Variants in THEMIS observed in about 807,000 individuals in gnomAD.
THEMIS encodes thymocyte selection associated.
In THEMIS, 37 loss-of-function variants were observed where a neutral mutation model predicts 52.6. That is an observed-to-expected ratio of 0.70 (90% CI 0.54 to 0.93). THEMIS has a LOEUF of 0.93. Among genes scored for constraint, THEMIS ranks in the 40% least tolerant of loss-of-function variants. THEMIS has a pLI of 0.00. For missense variants in THEMIS, 808 were observed against 763.1 expected (o/e 1.06, Z -0.69); for synonymous variants, 292 against 272.7 (o/e 1.07, Z -0.70).
At chr6:127,856,187 T>A (rs1193470178) in intron 1 of THEMIS, among the ~76,000 whole-genome samples, 1 of 152,020 alleles carries the variant, frequency 6.6e-6, no homozygotes, top group African/African-American at 2.4e-5. Context: ...TTTCTGAATT[T>A]TTCTGTGTAG....
At chr6:127,747,290 C>A (rs943479736) in intron 4 of THEMIS, among the ~76,000 whole-genome samples, 4 of 138,298 alleles carry the variant, frequency 2.9e-5, no homozygotes, top group Non-Finnish European at 4.6e-5. Context: ...ATAGAGATAT[C>A]TATCTGTTAA....
chr6:127,729,441 A>T (rs1195926648), intron 4 of THEMIS, among the ~76,000 whole-genome samples: 1 of 152,120 alleles, frequency 6.6e-6, no homozygotes, highest in Non-Finnish European at 1.5e-5. Context: ...CTCATTTTAG[A>T]ATGTTACTCA....
intron 4 of THEMIS, among the ~76,000 whole-genome samples, chr6:127,787,418 C>T (rs1206158468): frequency 6.6e-6 from 1 of 152,152 alleles, no homozygotes; most frequent in East Asian, 1.9e-4. Context: ...TAGTCTGCTC[C>T]TAGCTGACAC....
At position 127,849,286 on chromosome 6, in the gene THEMIS, T is replaced by C. The variant is rs369481807; in HGVS notation, c.250+5744A>G. ...CTCTGTTCCGTTCCATTGGTCTATA[T>C]CACTGTTTTGGTACCAGTCCCATGC... On this transcript the variant is annotated intron_variant, in intron 2 of 5. Coordinates refer to ENST00000368248, the MANE Select transcript of THEMIS (RefSeq NM_001010923.3). Among the ~76,000 whole-genome samples the C allele has an allele frequency of 5.3e-4, 81 of 152,178 alleles. 1 individual carries two copies. The highest frequency in any genetic ancestry group is 1.9e-3 in the African/African-American group (77 of 41,558).
Position 127,859,497 on chromosome 6 carries a change from T to A in THEMIS, c.92-4309A>T, listed in dbSNP as rs562420899. Among the ~76,000 whole-genome samples the A allele has an allele frequency of 3.0e-4, 45 of 152,130 alleles. 1 individual carries two copies. Among genetic ancestry groups the A allele is most frequent in the South Asian group, 1.5e-3 (7 of 4,822 alleles). ...CCACAGCTAGTAAAACAGTTTTTTT[T>A]ATCACTTATTAGATGATTAGTGAAT... On this transcript the variant is annotated intron_variant, in intron 1 of 5. Transcript: ENST00000368248.
chr6:127,849,339 T>C (rs975132431), intron 2 of THEMIS, among the ~76,000 whole-genome samples: 7 of 152,036 alleles, frequency 4.6e-5, no homozygotes, highest in African/African-American at 1.4e-4. Context: ...CCTTGTAGTA[T>C]AGTTTGAAGT....
rs141901483 is a variant in THEMIS, at chr6:127,778,880, G to T, written c.1758+34003C>A. Among the ~76,000 whole-genome samples the T allele has an allele frequency of 2.7e-3, 394 of 147,646 alleles. 2 individuals are homozygous for T. Among genetic ancestry groups the T allele is most frequent in the African/African-American group, 9.1e-3 (365 of 40,144 alleles). The stretch of plus-strand genomic sequence containing the variant: ...AAAATGGAAGGAATTGGAGAATAAA[G>T]AAATAATACCTATTGGGTTGCTTGA... On this transcript the variant is annotated intron_variant, in intron 4 of 5. Transcript: ENST00000368248.
intron 4 of THEMIS, among the ~76,000 whole-genome samples, chr6:127,784,548 A>G (rs1776857628): frequency 6.6e-6 from 1 of 152,154 alleles, no homozygotes; most frequent in African/African-American, 2.4e-5. Flanking sequence ...TCACACACAC[A>G]CAATTCAGGG....
chr6:127,747,827 ATG>A (rs953487491), intron 4 of THEMIS, among the ~76,000 whole-genome samples: 3 of 152,072 alleles, frequency 2.0e-5, no homozygotes, highest in African/African-American at 7.2e-5. Context: ...TTCATTTATT[ATG>A]TGTGTTTCCC....
intron 4 of THEMIS, among the ~76,000 whole-genome samples, chr6:127,771,598 G>T (rs1405611512): frequency 6.6e-6 from 1 of 152,112 alleles, no homozygotes; most frequent in Non-Finnish European, 1.5e-5. Context: ...AGAAGCCTCA[G>T]AAATAACACC....
chr6:127,867,604 T>C (rs1780023211), intron 1 of THEMIS, among the ~76,000 whole-genome samples: 1 of 152,044 alleles, frequency 6.6e-6, no homozygotes, highest in Admixed American at 6.6e-5. Context: ...GGCCCAAACT[T>C]AATCAAGTGG....
At chr6:127,902,229 G>A (rs1781153964), upstream of THEMIS, among the ~76,000 whole-genome samples, 1 of 149,848 alleles carries the variant, frequency 6.7e-6, no homozygotes, top group Non-Finnish European at 1.5e-5. Context: ...GGAGGCTGAG[G>A]AAGGAGGATC....
At chr6:127,862,998 T>C (rs1779858347) in intron 1 of THEMIS, among the ~76,000 whole-genome samples, 1 of 152,174 alleles carries the variant, frequency 6.6e-6, no homozygotes, top group Admixed American at 6.5e-5. Context: ...TTGGCTAATA[T>C]TTTTAAAGAT....
At chr6:127,832,592 T>A (rs2114669502) in intron 2 of THEMIS, among the ~76,000 whole-genome samples, 1 of 152,170 alleles carries the variant, frequency 6.6e-6, no homozygotes, top group African/African-American at 2.4e-5. Context: ...TTTTTTTTCA[T>A]CTTTTTCTCA....
At chr6:127,750,809 C>A (rs190899453) in intron 4 of THEMIS, among the ~76,000 whole-genome samples, 1 of 151,728 alleles carries the variant, frequency 6.6e-6, no homozygotes, top group African/African-American at 2.4e-5. Flanking sequence ...CCCTACAGGC[C>A]AGGAGAGTAA....
At chr6:127,824,087 G>T (rs1030810405) in intron 3 of THEMIS, among the ~76,000 whole-genome samples, 8 of 152,098 alleles carry the variant, frequency 5.3e-5, no homozygotes, top group Non-Finnish European at 8.8e-5. Context: ...TAAAAACACA[G>T]GGATTATTCA....
chr6:127,847,822 G>T (rs148902278), intron 2 of THEMIS, among the ~76,000 whole-genome samples: 13 of 151,358 alleles, frequency 8.6e-5, no homozygotes, highest in African/African-American at 3.1e-4. Context: ...ACCAAAAAGA[G>T]CCCACAGAGC....
chr6:127,701,084 T>C, the THEMIS span, among the ~76,000 whole-genome samples: 31 of 152,216 alleles, frequency 2.0e-4, no homozygotes, highest in African/African-American at 6.7e-4. Context: ...TATGTATATT[T>C]TGATATAACC....
rs370744578 is a variant in THEMIS, at chr6:127,716,640, C to A, written c.1894+3048G>T. ...CCTGCTTCTGGGACTCTGCCTCAAG[C>A]GCTGTTCCTGGGAGCACTTTCCAAT... On this transcript the variant is annotated intron_variant, in intron 5 of 5. Transcript: ENST00000368248. Among the ~76,000 whole-genome samples the A allele has an allele frequency of 3.3e-5, 5 of 151,922 alleles. No homozygotes were observed. The South Asian group carries it at 1.0e-3, about 31-fold the overall frequency.
Sources: allele counts gnomAD v4.1 joint callset (sites outside exome capture counted in the v4.1 genomes callset), GRCh38; gene constraint gnomAD v4.1.1; transcripts MANE v1.5; gene names NCBI Gene and HGNC (gene_info 2026-07-23, HGNC 2026-07-21).